POU2F1: variants seen among roughly 807,000 people sequenced by gnomAD.
The protein encoded by POU2F1 is POU domain, class 2, transcription factor 1.
POU2F1 carries 16 observed loss-of-function variants against 84.9 expected under a neutral mutation model. The ratio of observed to expected loss-of-function variants is 0.19; its 90% CI spans 0.13 to 0.29. The LOEUF (loss-of-function observed/expected upper bound fraction) is 0.29. Ranked by LOEUF, POU2F1 falls within the 10% of genes least tolerant of loss-of-function variation. POU2F1 has a pLI of 1.00. For synonymous variants in POU2F1, 368 were observed against 368.3 expected (o/e 1.00, Z 0.01); for missense variants, 738 against 942.6 (o/e 0.78, Z 2.84).
chr1:167,273,288 G>A (rs1652500763), intron 1 of POU2F1, among the ~76,000 whole-genome samples: 2 of 152,322 alleles, frequency 1.3e-5, no homozygotes, highest in African/African-American at 4.8e-5. Flanking sequence ...CACAGAACAA[G>A]CCGTCAGTAG....
chr1:167,384,426 A>G (rs1488714721), intron 8 of POU2F1, among the ~76,000 whole-genome samples: 1 of 152,172 alleles, frequency 6.6e-6, no homozygotes, highest in Non-Finnish European at 1.5e-5. Context: ...AAATTTAGAC[A>G]TATAAAGGTT....
Position 167,376,009 on chromosome 1 carries a change from T to C in POU2F1, c.592-20T>C. 2 of 1,612,720 alleles carry C rather than the reference T, an allele frequency of 1.2e-6. No individual in the cohort carries two copies. The highest frequency in any genetic ancestry group is 1.7e-6 in the Non-Finnish European group (2 of 1,178,754). On this transcript the variant is annotated intron_variant, in intron 6 of 15. Transcript: ENST00000367866. Reference sequence around the variant, plus strand: ...TTTATTTCAGAATCTCCAATCCATGTTTTAATTCCAATTTTTCAGGATCTT... The same window carrying C: ...TTTATTTCAGAATCTCCAATCCATGCTTTAATTCCAATTTTTCAGGATCTT...
At chr1:167,357,384 C>T (rs1353484345) in intron 2 of POU2F1, 2 of 101,570 alleles carry the variant, frequency 2.0e-5, no homozygotes, top group Non-Finnish European at 4.1e-5. Context: ...CCCCCACCCC[C>T]CCCCGCTTCT....
At chr1:167,221,010 C>T (rs932890369) in intron 1 of POU2F1, 52 bp downstream of exon 1, 41 of 1,421,848 alleles carry the variant, frequency 2.9e-5, no homozygotes, top group Non-Finnish European at 3.8e-5. Flanking sequence ...CCCCGGCTCC[C>T]GCTGCCCCCC....
At position 167,220,950 on chromosome 1, in the gene POU2F1, C is replaced by T. The variant is rs1197384800; in HGVS notation, c.53C>T (p.Ala18Val). 1.3e-6 allele frequency: 2 copies of T among 1,535,006 alleles called. No individual in the cohort carries two copies. The highest frequency in any genetic ancestry group is 8.7e-7 in the Non-Finnish European group (1 of 1,146,674). Residue 18 changes from alanine (A) to valine (V), a missense_variant, in exon 1 of 16, where the codon GCA (alanine) becomes GTA (valine). By Grantham distance (64) the Ala-to-Val change is moderately conservative (BLOSUM62 0). Transcript: ENST00000367866. ...GATGAGAGTTCAGCCGCGGCGGCAG[C>T]AGCAGCAGGTAATCATTACAGCATT... ...SQDESSAAAA[A>V]AADSRMNNPS...
At chr1:167,375,237 A>G (rs1284018262) in intron 6 of POU2F1, among the ~76,000 whole-genome samples, 1 of 152,210 alleles carries the variant, frequency 6.6e-6, no homozygotes, top group Non-Finnish European at 1.5e-5. Context: ...GAGTTTGACT[A>G]ACCATTTAAA....
At chr1:167,372,133 A>G (rs1415604595) in intron 5 of POU2F1, 97 bp downstream of exon 5, 2 of 1,439,152 alleles carry the variant, frequency 1.4e-6, no homozygotes, top group Non-Finnish European at 9.4e-7. Flanking sequence ...GCTGGTAGTA[A>G]CATGGCTATG....
intron 2 of POU2F1, among the ~76,000 whole-genome samples, chr1:167,348,010 G>A (rs889648420): frequency 1.3e-5 from 2 of 152,034 alleles, no homozygotes; most frequent in African/African-American, 2.4e-5. Context: ...TTATATACAC[G>A]GATTTGTTTG....
rs956496908 is a variant in POU2F1, at chr1:167,377,173, G to A, written c.718+1018G>A. Among the ~76,000 whole-genome samples the A allele has an allele frequency of 3.9e-5, 6 of 152,368 alleles. No individual in the cohort carries two copies. In the East Asian group the frequency reaches 1.2e-3, roughly 29 times the overall value. On this transcript the variant is annotated intron_variant, in intron 7 of 15. Coordinates refer to ENST00000367866, the MANE Select transcript of POU2F1 (RefSeq NM_002697.4). The stretch of plus-strand genomic sequence containing the variant: ...AATAAGTTTGCATATGCAGGTAATA[G>A]TGAAATTTGAACCCAGAAAGATTAG...
intron 2 of POU2F1, among the ~76,000 whole-genome samples, chr1:167,351,519 C>CAAAAAAAAAAA (rs34170498): frequency 4.3e-5 from 2 of 45,990 alleles, no homozygotes; most frequent in East Asian, 8.0e-4. Context: ...AGCACCATCT[C>CAAAAAAAAAAA]AAAAAAAAAA....
At chr1:167,264,159 G>A (rs1439340653) in intron 1 of POU2F1, among the ~76,000 whole-genome samples, 2 of 152,092 alleles carry the variant, frequency 1.3e-5, no homozygotes, top group East Asian at 3.8e-4. Flanking sequence ...AATGGGCAAA[G>A]GGAGTACAGC....
chr1:167,261,842 G>A (rs902446812), intron 1 of POU2F1, among the ~76,000 whole-genome samples: 3 of 152,022 alleles, frequency 2.0e-5, no homozygotes, highest in Non-Finnish European at 4.4e-5. Flanking sequence ...GTGCCATCAT[G>A]CCTGGCTAAT....
intron 1 of POU2F1, among the ~76,000 whole-genome samples, chr1:167,226,379 T>A (rs1320238356): frequency 6.6e-6 from 1 of 152,244 alleles, no homozygotes; most frequent in Non-Finnish European, 1.5e-5. Flanking sequence ...TCACAGAGAA[T>A]AGCAGTTTCC....
chr1:167,261,232 A>G (rs574646656), intron 1 of POU2F1, among the ~76,000 whole-genome samples: 29 of 152,278 alleles, frequency 1.9e-4, no homozygotes, highest in African/African-American at 7.0e-4. Context: ...TATTTTTAGA[A>G]TTTTATTAGG....
intron 13 of POU2F1, among the ~76,000 whole-genome samples, chr1:167,407,876 C>G (rs1183083397): frequency 6.6e-6 from 1 of 151,912 alleles, no homozygotes; most frequent in Non-Finnish European, 1.5e-5. Flanking sequence ...ACCAAGAGAA[C>G]GATCCATAAA....
chr1:167,307,078 A>G (rs1294550977), intron 1 of POU2F1, among the ~76,000 whole-genome samples: 1 of 152,210 alleles, frequency 6.6e-6, no homozygotes, highest in Non-Finnish European at 1.5e-5. Flanking sequence ...ATTTTCTAAT[A>G]CTGGCTTATG....
At chr1:167,256,376 T>G (rs1363927952) in intron 1 of POU2F1, among the ~76,000 whole-genome samples, 1 of 151,788 alleles carries the variant, frequency 6.6e-6, no homozygotes, top group African/African-American at 2.4e-5. Flanking sequence ...TTTTTTTTTT[T>G]TTTTTGCTGA....
chr1:167,228,072 G>A (rs1648772378), intron 1 of POU2F1, among the ~76,000 whole-genome samples: 1 of 152,174 alleles, frequency 6.6e-6, no homozygotes, highest in African/African-American at 2.4e-5. Context: ...AAGGCTTTAT[G>A]TAGAAGGCGA....
At chr1:167,285,042 TG>T (rs1377332447) in intron 1 of POU2F1, among the ~76,000 whole-genome samples, 1 of 152,246 alleles carries the variant, frequency 6.6e-6, no homozygotes, top group African/African-American at 2.4e-5. Flanking sequence ...CTAAATCACT[TG>T]GCAGCTGTGA....
Sources: gnomAD v4.1 joint callset for allele counts (sites outside exome capture counted in the v4.1 genomes callset) on GRCh38, gnomAD v4.1.1 for gene constraint, MANE v1.5 for transcripts, NCBI Gene and HGNC (gene_info 2026-07-23, HGNC 2026-07-21) for gene names.